NELL2: variants seen among roughly 807,000 people sequenced by gnomAD.
NELL2 encodes protein kinase C-binding protein NELL2.
In NELL2, 41 loss-of-function variants were observed where a neutral mutation model predicts 109.6. The ratio of observed to expected loss-of-function variants is 0.37; its 90% CI spans 0.29 to 0.49. NELL2 has a LOEUF of 0.49. Among genes scored for constraint, NELL2 ranks in the 20% least tolerant of loss-of-function variants. NELL2 has a pLI of 0.98. For synonymous variants in NELL2, 355 were observed against 344.7 expected (o/e 1.03, Z -0.33); for missense variants, 900 against 1,008.3 (o/e 0.89, Z 1.45).
At chr12:44,699,206 G>T (rs1011610197) in intron 12 of NELL2, among the ~76,000 whole-genome samples, 4 of 152,088 alleles carry the variant, frequency 2.6e-5, no homozygotes, top group African/African-American at 9.7e-5. Context: ...TAAAAATGTA[G>T]TAAGAAATCT....
chr12:44,745,669 C>A (rs1190148109), intron 9 of NELL2, among the ~76,000 whole-genome samples: 1 of 151,004 alleles, frequency 6.6e-6, no homozygotes, highest in Non-Finnish European at 1.5e-5. Flanking sequence ...AGACAGAGAG[C>A]CAAATCTCCA....
intron 15 of NELL2, among the ~76,000 whole-genome samples, chr12:44,601,181 T>C (rs971052465): frequency 1.1e-4 from 16 of 152,152 alleles, no homozygotes; most frequent in African/African-American, 3.6e-4. Context: ...TTCTCCATGA[T>C]GTGTCCTCAT....
At chr12:44,759,751 A>G (rs1433942861) in intron 9 of NELL2, among the ~76,000 whole-genome samples, 1 of 152,138 alleles carries the variant, frequency 6.6e-6, no homozygotes, top group Admixed American at 6.6e-5. Flanking sequence ...CCTCACTCTC[A>G]TTGAAACCTG....
intron 2 of NELL2, among the ~76,000 whole-genome samples, chr12:44,834,911 T>A (rs11182708): frequency 0.013 from 1,958 of 152,254 alleles, 48 homozygotes; most frequent in African/African-American, 0.046. Flanking sequence ...GAAGGCTTTC[T>A]GTGCCCACTC....
At chr12:44,514,243 C>T (rs964267826) in intron 19 of NELL2, among the ~76,000 whole-genome samples, 6 of 151,768 alleles carry the variant, frequency 4.0e-5, no homozygotes, top group Non-Finnish European at 8.9e-5. Flanking sequence ...TACTAGCACA[C>T]CTGCAATAAG....
At chr12:44,758,045 T>TAC (rs56835414) in intron 9 of NELL2, among the ~76,000 whole-genome samples, 63,366 of 149,710 alleles carry the variant, frequency 0.42, 13,959 homozygotes, top group Non-Finnish European at 0.5. Context: ...TACAGGAGAT[T>TAC]ACACACACAC....
upstream of NELL2, chr12:44,876,490 T>C: frequency 2.2e-6 from 3 of 1,348,782 alleles, no homozygotes; most frequent in Non-Finnish European, 2.9e-6. Context: ...CCAGGAGCCG[T>C]TGCAGCCTCA....
chr12:44,612,040 C>T (rs567910884), intron 13 of NELL2, among the ~76,000 whole-genome samples: 25 of 151,986 alleles, frequency 1.6e-4, no homozygotes, highest in South Asian at 1.2e-3. Flanking sequence ...ATTAATTTCA[C>T]GTAATATAAA....
chr12:44,834,443 T>C (rs908461423), intron 2 of NELL2, among the ~76,000 whole-genome samples: 106 of 151,632 alleles, frequency 7.0e-4, no homozygotes, highest in Non-Finnish European at 1.6e-4. Flanking sequence ...ATTCTTTTTT[T>C]TTTTTTTTTT....
chr12:44,531,781 T>TA (rs956102420), intron 16 of NELL2, among the ~76,000 whole-genome samples: 4 of 152,226 alleles, frequency 2.6e-5, no homozygotes, highest in Admixed American at 2.6e-4. Context: ...TATGAAGTTG[T>TA]AAATGCAAAT....
intron 15 of NELL2, among the ~76,000 whole-genome samples, chr12:44,601,928 T>G (rs1170909312): frequency 6.6e-6 from 1 of 152,212 alleles, no homozygotes; most frequent in African/African-American, 2.4e-5. Context: ...TCTTGACCAC[T>G]ATGTTAAATT....
chr12:44,731,421 G>A (rs1219477327), intron 9 of NELL2, among the ~76,000 whole-genome samples: 9 of 151,888 alleles, frequency 5.9e-5, no homozygotes. Context: ...TTATCCCTGG[G>A]GTGTGAGGAT....
rs746239984 is a variant in NELL2, at chr12:44,577,465, G to GTTTTTTTTT, written c.1663+29695_1663+29703dup. On this transcript the variant is annotated intron_variant, in intron 15 of 19. Transcript: ENST00000429094. Reference sequence around the variant, plus strand: ...ATATTAGCCCTTTGTCAGATGAGTAGTTTTTTTTTTTTTTTTTTTTTTTTT... The same window carrying GTTTTTTTTT: ...ATATTAGCCCTTTGTCAGATGAGTAGTTTTTTTTTTTTTTTTTTTTTTTTTTTTTTTTTT... Among the ~76,000 whole-genome samples, 6 of 83,464 alleles carry GTTTTTTTTT rather than the reference G, an allele frequency of 7.2e-5. 1 individual carries two copies. Among genetic ancestry groups the GTTTTTTTTT allele is most frequent in the African/African-American group, 4.2e-4 (6 of 14,154 alleles). 54.8% of individuals were successfully genotyped at this position (83,464 alleles called of 152,430 possible). A position where few individuals can be genotyped will look rare whatever the true frequency, so the allele number is the denominator to read the frequency against.
At chr12:44,566,586 T>C (rs1256055111) in intron 15 of NELL2, among the ~76,000 whole-genome samples, 1 of 144,930 alleles carries the variant, frequency 6.9e-6, no homozygotes, top group African/African-American at 2.8e-5. Flanking sequence ...TGAATAGCAA[T>C]AGGAGCTACA....
chr12:44,648,109 C>G (rs976035751), intron 13 of NELL2, among the ~76,000 whole-genome samples: 3 of 152,102 alleles, frequency 2.0e-5, no homozygotes, highest in African/African-American at 4.8e-5. Context: ...CAGGCAGAAA[C>G]AGATGGGGAG....
chr12:44,828,671 C>T (rs1943791651), intron 2 of NELL2, among the ~76,000 whole-genome samples: 1 of 151,818 alleles, frequency 6.6e-6, no homozygotes, highest in Admixed American at 6.6e-5. Flanking sequence ...TTAAGCAAAT[C>T]ATTTGAAGTG....
chr12:44,903,937 G>A (rs912946405), intron 1 of NELL2, among the ~76,000 whole-genome samples: 6 of 152,004 alleles, frequency 3.9e-5, no homozygotes, highest in Non-Finnish European at 7.4e-5. Flanking sequence ...ACCTAATGTA[G>A]ATGATGGGTT....
intron 2 of NELL2, among the ~76,000 whole-genome samples, chr12:44,819,025 A>AG (rs1182592673): frequency 1.3e-5 from 2 of 151,938 alleles, no homozygotes; most frequent in African/African-American, 4.8e-5. Context: ...TACAGGCGTG[A>AG]GCCACCGCGC....
chr12:44,694,951 T>A (rs1949014797), intron 12 of NELL2, among the ~76,000 whole-genome samples: 1 of 151,878 alleles, frequency 6.6e-6, no homozygotes, highest in African/African-American at 2.4e-5. Context: ...TGTCAGGAAT[T>A]CATCACTAAA....
Sources: gnomAD v4.1 joint callset for allele counts (sites outside exome capture counted in the v4.1 genomes callset) on GRCh38, gnomAD v4.1.1 for gene constraint, MANE v1.5 for transcripts, NCBI Gene and HGNC (gene_info 2026-07-23, HGNC 2026-07-21) for gene names.